MIA2: variants seen among roughly 807,000 people sequenced by gnomAD.
MIA2 encodes the protein MIA SH3 domain ER export factor 2, also known as melanoma inhibitory activity protein 2.
A neutral mutation model predicts 167.8 loss-of-function variants in MIA2; 127 were observed. The ratio of observed to expected loss-of-function variants is 0.76; its 90% CI spans 0.66 to 0.88. MIA2 has a LOEUF of 0.88. Among genes scored for constraint, MIA2 ranks in the 40% least tolerant of loss-of-function variants. The probability of loss-of-function intolerance (pLI) is 0.00; values close to 1 mark genes in which losing one functional copy is unlikely to be tolerated. For missense variants in MIA2, 1,690 were observed against 1,624.7 expected (o/e 1.04, Z -0.69); for synonymous variants, 552 against 541.9 (o/e 1.02, Z -0.26).
In MIA2 at chr14:39,303,544, TAAAAAG is replaced by T. The variant is rs1453892075; in HGVS notation, c.2787+23_2787+28del. Reference sequence around the variant, plus strand: ...GCTAAGGTTTGTGCTATTAGATACTTAAAAAGAATAAGGAGGAAGAAAGAGAACGTG... The same window carrying T: ...GCTAAGGTTTGTGCTATTAGATACTTAATAAGGAGGAAGAAAGAGAACGTG... On this transcript the variant is annotated intron_variant, in intron 16 of 28. Transcript: ENST00000640607. 3 of 1,581,732 alleles carry T rather than the reference TAAAAAG, an allele frequency of 1.9e-6. No homozygotes were observed. Among genetic ancestry groups the T allele is most frequent in the Non-Finnish European group, 1.7e-6 (2 of 1,154,496 alleles).
At chr14:39,384,102 G>C (rs1297251847) in intron 23 of MIA2, among the ~76,000 whole-genome samples, 1 of 152,226 alleles carries the variant, frequency 6.6e-6, no homozygotes, top group Non-Finnish European at 1.5e-5. Flanking sequence ...GATAGCTAGA[G>C]AGAAGTCAAT....
intron 11 of MIA2, 152 bp from the exon 12 acceptor site, chr14:39,293,848 C>T (rs960046677): frequency 6.6e-6 from 4 of 609,260 alleles, no homozygotes; most frequent in Admixed American, 6.5e-5. Context: ...TATAAAATCC[C>T]TTTTAGCATA....
chr14:39,258,231 T>C lies in MIA2; in HGVS notation c.1887+5060T>C, dbSNP rs955955681. On this transcript the variant is annotated intron_variant, in intron 6 of 28. Coordinates refer to ENST00000640607, the MANE Select transcript of MIA2 (RefSeq NM_001329214.4). ...TACTTTCAGGTACACCAACCAATCA[T>C]AGATTTGGTATTTTCAAATAGTCCC... Among the ~76,000 whole-genome samples the C allele has an allele frequency of 5.9e-5, 9 of 152,338 alleles. No individual in the cohort carries two copies. In the South Asian group the frequency reaches 1.0e-3, roughly 18 times the overall value.
chr14:39,315,836 T>A (rs1230051040), intron 21 of MIA2, 118 bp downstream of exon 21: 10 of 683,448 alleles, frequency 1.5e-5, no homozygotes, highest in Non-Finnish European at 2.3e-5. Context: ...CAGTTTCTTT[T>A]AATTTTACAA....
intron 6 of MIA2, among the ~76,000 whole-genome samples, chr14:39,271,581 AG>A (rs2057151414): frequency 6.6e-6 from 1 of 152,140 alleles, no homozygotes; most frequent in Non-Finnish European, 1.5e-5. Context: ...GAATTTTAAT[AG>A]GGGTTGCATT....
At chr14:39,301,229 T>G (rs923119562) in intron 14 of MIA2, among the ~76,000 whole-genome samples, 5 of 151,946 alleles carry the variant, frequency 3.3e-5, no homozygotes, top group Non-Finnish European at 7.4e-5. Flanking sequence ...CCTGGCTAAT[T>G]TTTTTTGTAT....
At chr14:39,386,825 A>G in intron 23 of MIA2, 1 of 954,166 alleles carries the variant, frequency 1.0e-6, no homozygotes, top group Non-Finnish European at 1.7e-6. Context: ...TGACCATAGA[A>G]TTCTCAGCAA....
At chr14:39,347,161 A>G (rs1261162521) in intron 26 of MIA2, among the ~76,000 whole-genome samples, 2 of 152,098 alleles carry the variant, frequency 1.3e-5, no homozygotes, top group African/African-American at 2.4e-5. Context: ...GAGGGAGGAA[A>G]CTCAGTGGTC....
chr14:39,255,284 G>A (rs976722363), intron 6 of MIA2, among the ~76,000 whole-genome samples: 4 of 152,164 alleles, frequency 2.6e-5, no homozygotes, highest in South Asian at 2.1e-4. Context: ...AAAGTGGGCC[G>A]ATCAGTTGAG....
chr14:39,279,377 T>G lies in MIA2; in HGVS notation c.2041+19T>G. On this transcript the variant is annotated intron_variant, in intron 8 of 28. Transcript: ENST00000640607. Reference sequence around the variant, plus strand: ...TATGTGGGTAAGTTCTTTTTTCTGCTTTGACTCTCATTGTTGTGTTGTAAA... The same window carrying G: ...TATGTGGGTAAGTTCTTTTTTCTGCGTTGACTCTCATTGTTGTGTTGTAAA... 2 of 1,608,004 alleles carry G rather than the reference T, an allele frequency of 1.2e-6. No homozygotes were observed. The highest frequency in any genetic ancestry group is 1.7e-6 in the Non-Finnish European group (2 of 1,178,482).
chr14:39,278,435 T>A (rs1185102976), intron 7 of MIA2, among the ~76,000 whole-genome samples: 1 of 152,192 alleles, frequency 6.6e-6, no homozygotes, highest in Non-Finnish European at 1.5e-5. Flanking sequence ...TCATCTACAC[T>A]CATTGTAGAG....
intron 9 of MIA2, among the ~76,000 whole-genome samples, chr14:39,284,553 T>C (rs938247565): frequency 6.6e-6 from 1 of 152,152 alleles, no homozygotes; most frequent in African/African-American, 2.4e-5. Flanking sequence ...CCATATTAAA[T>C]TTAGATTAAA....
At chr14:39,316,846 T>C (rs1351114636) in intron 21 of MIA2, among the ~76,000 whole-genome samples, 1 of 152,038 alleles carries the variant, frequency 6.6e-6, no homozygotes, top group African/African-American at 2.4e-5. Flanking sequence ...AACCAGGCTG[T>C]TTCTGGAAGG....
intron 3 of MIA2, 136 bp downstream of exon 3, chr14:39,240,783 A>G (rs1257337124): frequency 1.8e-6 from 1 of 561,170 alleles, no homozygotes; most frequent in Non-Finnish European, 3.1e-6. Flanking sequence ...AACTTACTCT[A>G]GGAATAGCTT....
At chr14:39,278,782 TAAAC>T (rs1226950959) in intron 7 of MIA2, among the ~76,000 whole-genome samples, 1 of 139,760 alleles carries the variant, frequency 7.2e-6, no homozygotes, top group Non-Finnish European at 1.6e-5. Context: ...TAAATGAAAT[TAAAC>T]AAGTATCTTT....
rs772941785 is a variant in MIA2, at chr14:39,252,881, C to T, written c.1701C>T (p.Asp567=). The change falls in exon 5 of 29, where the codon GAC becomes GAT. Residue 567 remains aspartate (D), a synonymous_variant. Transcript: ENST00000640607. ...DTEGPALVEI[D]RSVENTLLNS... is the part of the protein sequence containing the mutation. Reference sequence around the variant, plus strand: ...AAGGGCCTGCTCTGGTGGAGATAGACAGATCTGTGGAAAATACCCTGCTAA... The same window carrying T: ...AAGGGCCTGCTCTGGTGGAGATAGATAGATCTGTGGAAAATACCCTGCTAA... 6.2e-6 allele frequency: 10 copies of T among 1,614,026 alleles called. No individual in the cohort carries two copies. The highest frequency in any genetic ancestry group is 8.5e-6 in the Non-Finnish European group (10 of 1,179,962).
intron 3 of MIA2, among the ~76,000 whole-genome samples, chr14:39,241,925 C>A (rs570541013): frequency 4.4e-4 from 67 of 152,244 alleles, no homozygotes; most frequent in African/African-American, 1.6e-3. Context: ...GTTCTTAGAA[C>A]ATGCCAGGCT....
chr14:39,304,509 G>A (rs1188024489), intron 17 of MIA2, 128 bp downstream of exon 17: 3 of 498,750 alleles, frequency 6.0e-6, no homozygotes, highest in Non-Finnish European at 1.0e-5. Flanking sequence ...TTTTGTTCCT[G>A]TTGGGTATTT....
chr14:39,365,663 C>A (rs1047824250), intron 23 of MIA2, among the ~76,000 whole-genome samples: 2 of 34,126 alleles, frequency 5.9e-5, no homozygotes, highest in African/African-American at 2.1e-4. Flanking sequence ...ATCTATCTAT[C>A]TATCTATCTA....
Sources: allele counts gnomAD v4.1 joint callset (sites outside exome capture counted in the v4.1 genomes callset), GRCh38; gene constraint gnomAD v4.1.1; transcripts MANE v1.5; gene names NCBI Gene and HGNC (gene_info 2026-07-23, HGNC 2026-07-21).